The following DAB1 variants were observed in gnomAD, a reference collection of about 807,000 sequenced individuals.
The protein encoded by DAB1 is disabled homolog 1.
Under a neutral mutation model 64.6 loss-of-function variants are expected in DAB1, and 15 were observed. The observed-to-expected ratio is 0.23, with a 90% confidence interval of 0.16 to 0.36. The LOEUF (loss-of-function observed/expected upper bound fraction) is 0.36, where lower values mean the gene tolerates loss of function less well. Ranked by LOEUF, DAB1 falls within the 10% of genes least tolerant of loss-of-function variation. The pLI, the probability that DAB1 is intolerant of heterozygous loss-of-function variation, is 1.00. For missense variants in DAB1, 596 were observed against 706.7 expected (o/e 0.84, Z 1.78); for synonymous variants, 235 against 251.9 (o/e 0.93, Z 0.64).
chr1:57,116,763 G>T (rs867258201), intron 4 of DAB1, among the ~76,000 whole-genome samples: 3 of 152,160 alleles, frequency 2.0e-5, no homozygotes, highest in African/African-American at 4.8e-5. Context: ...GATTTACCTT[G>T]AATCTACTAG....
chr1:57,144,835 T>C (rs1033433290), intron 3 of DAB1, among the ~76,000 whole-genome samples: 13 of 152,210 alleles, frequency 8.5e-5, no homozygotes, highest in Admixed American at 7.9e-4. Flanking sequence ...TTAAGGATAT[T>C]ATCTTAAAGT....
chr1:57,050,394 T>C (rs1008067355), intron 9 of DAB1, among the ~76,000 whole-genome samples: 3 of 152,222 alleles, frequency 2.0e-5, no homozygotes, highest in Non-Finnish European at 4.4e-5. Context: ...CAGCACCACA[T>C]TTCAGACCCT....
At chr1:57,667,744 G>A (rs913834173) in intron 6 of DAB1, among the ~76,000 whole-genome samples, 3 of 152,054 alleles carry the variant, frequency 2.0e-5, no homozygotes, top group African/African-American at 7.2e-5. Context: ...GATGAAGCTG[G>A]AAACCATCAT....
At chr1:57,832,624 C>T (rs1392776412) in intron 1 of DAB1, among the ~76,000 whole-genome samples, 1 of 152,188 alleles carries the variant, frequency 6.6e-6, no homozygotes, top group Admixed American at 6.5e-5. Flanking sequence ...AAAATCAGGG[C>T]ATGCTGTCAT....
chr1:57,987,637 G>T (rs1347982299), intron 5 of DAB1, among the ~76,000 whole-genome samples: 1 of 152,178 alleles, frequency 6.6e-6, no homozygotes, highest in African/African-American at 2.4e-5. Flanking sequence ...CCAAAGGAAT[G>T]CTAAAGGTGC....
intron 1 of DAB1, among the ~76,000 whole-genome samples, chr1:57,325,640 C>CT (rs1456704874): frequency 3.9e-5 from 6 of 152,138 alleles, no homozygotes; most frequent in African/African-American, 1.2e-4. Flanking sequence ...CAGACTGTGT[C>CT]TTTTTTATCA....
intron 2 of DAB1, among the ~76,000 whole-genome samples, chr1:57,272,010 G>C (rs1025293329): frequency 1.3e-5 from 2 of 152,202 alleles, no homozygotes; most frequent in African/African-American, 2.4e-5. Flanking sequence ...ACAAAGGCAA[G>C]TCTGAACACA....
chr1:58,497,449 C>T (rs573933994), intron 3 of DAB1, among the ~76,000 whole-genome samples: 1 of 152,146 alleles, frequency 6.6e-6, no homozygotes, highest in South Asian at 2.1e-4. Flanking sequence ...AATGATACTA[C>T]TTTCTGAAAT....
In DAB1 at chr1:57,731,221, A is replaced by G. The variant is rs190013248; in HGVS notation, n.552-81556T>C. Among the ~76,000 whole-genome samples the G allele has an allele frequency of 4.1e-3, 617 of 152,332 alleles. 4 individuals are homozygous for G. Among genetic ancestry groups the G allele is most frequent in the African/African-American group, 0.014 (597 of 41,576 alleles). ...TACTAAGTAAAATAGTCAGTCACAT[A>G]AGGGCAAATATTGCATGATTCCACT... On this transcript the variant is annotated intron_variant and non_coding_transcript_variant, in intron 6 of 20. Coordinates refer to the DAB1 transcript ENST00000485760.
At chr1:58,047,556 T>C (rs991536915) in intron 5 of DAB1, among the ~76,000 whole-genome samples, 2 of 152,230 alleles carry the variant, frequency 1.3e-5, no homozygotes, top group African/African-American at 4.8e-5. Flanking sequence ...CTCCTCTCAT[T>C]GAAAGCATAG....
chr1:57,927,405 G>C (rs1644894394), intron 5 of DAB1, among the ~76,000 whole-genome samples: 1 of 152,104 alleles, frequency 6.6e-6, no homozygotes, highest in African/African-American at 2.4e-5. Flanking sequence ...AGGCTGAGGA[G>C]GGAGGATCAC....
At chr1:57,488,491 A>G (rs892765567) in intron 7 of DAB1, among the ~76,000 whole-genome samples, 1 of 151,838 alleles carries the variant, frequency 6.6e-6, no homozygotes, top group Non-Finnish European at 1.5e-5. Flanking sequence ...AGCCTGACCA[A>G]CATGGAGAAA....
chr1:58,465,743 C>T (rs1053168939), intron 3 of DAB1, among the ~76,000 whole-genome samples: 2 of 152,130 alleles, frequency 1.3e-5, no homozygotes, highest in African/African-American at 4.8e-5. Flanking sequence ...GGGCACTTAC[C>T]ATGTGTTTTA....
chr1:57,299,441 A>G (rs1411091744), intron 1 of DAB1, among the ~76,000 whole-genome samples: 1 of 152,242 alleles, frequency 6.6e-6, no homozygotes, highest in Non-Finnish European at 1.5e-5. Flanking sequence ...TCTGTAATCA[A>G]ACTCAAAGCT....
intron 2 of DAB1, among the ~76,000 whole-genome samples, chr1:57,188,197 T>C (rs1488839578): frequency 2.0e-5 from 3 of 152,148 alleles, no homozygotes; most frequent in Admixed American, 6.5e-5. Flanking sequence ...AGGATACCCC[T>C]GCACCGTGCC....
intron 3 of DAB1, among the ~76,000 whole-genome samples, chr1:58,430,247 T>C (rs533920082): frequency 6.6e-6 from 1 of 152,290 alleles, no homozygotes; most frequent in South Asian, 2.1e-4. Flanking sequence ...TAAGGTAACT[T>C]ATGTGAAAAG....
intron 3 of DAB1, among the ~76,000 whole-genome samples, chr1:58,398,458 G>T (rs757534649): frequency 3.3e-5 from 5 of 152,222 alleles, no homozygotes; most frequent in African/African-American, 4.8e-5. Context: ...CCACACAGTT[G>T]TAAGAGGCCA....
intron 2 of DAB1, among the ~76,000 whole-genome samples, chr1:57,217,833 C>CCCCCA (rs1256782287): frequency 6.6e-6 from 1 of 151,844 alleles, no homozygotes; most frequent in East Asian, 1.9e-4. Context: ...CCTACCAATC[C>CCCCCA]CCCCACCCCA....
intron 2 of DAB1, among the ~76,000 whole-genome samples, chr1:57,172,792 C>A (rs1027377051): frequency 1.3e-5 from 2 of 152,120 alleles, no homozygotes; most frequent in African/African-American, 4.8e-5. Context: ...CCCCATGACC[C>A]AAACATCTCC....
Sources: gnomAD v4.1 joint callset for allele counts (sites outside exome capture counted in the v4.1 genomes callset) on GRCh38, gnomAD v4.1.1 for gene constraint, MANE v1.5 for transcripts, NCBI Gene and HGNC (gene_info 2026-07-23, HGNC 2026-07-21) for gene names.